Variants in ARSL observed in about 807,000 individuals in gnomAD.
ARSL encodes the protein arylsulfatase L.
In ARSL, 4 loss-of-function variants were observed where a neutral mutation model predicts 31.1. The observed-to-expected ratio is 0.13, with a 90% confidence interval of 0.06 to 0.29. The LOEUF is 0.29. ARSL is among the 10% of genes least tolerant of loss of function. The pLI is 1.00. For missense variants in ARSL, 312 were observed against 497.8 expected (o/e 0.63, Z 3.55); for synonymous variants, 198 against 209.9 (o/e 0.94, Z 0.49).
chrX:2,945,393 C>T (rs986125865), intron 7 of ARSL, among the ~76,000 whole-genome samples: 1 of 111,679 alleles, frequency 9.0e-6, no homozygotes, highest in African/African-American at 3.3e-5. Context: ...GAGCCACTAG[C>T]CACTCTACAG....
intron 2 of ARSL, chrX:2,959,690 A>G: frequency 8.7e-7 from 1 of 1,151,262 alleles, no homozygotes; most frequent in Non-Finnish European, 1.1e-6. Context: ...TCTATTAATC[A>G]CGGGTCTCAT....
chrX:2,937,842 T>A (rs2089224530), intron 9 of ARSL, among the ~76,000 whole-genome samples: 1 of 111,718 alleles, frequency 9.0e-6, no homozygotes, highest in Admixed American at 9.5e-5. Context: ...TCTGGAAAAC[T>A]TTGTAATTTT....
At chrX:2,946,318 CTTCCTTTTT>C (rs1244289037) in intron 6 of ARSL, among the ~76,000 whole-genome samples, 184 bp from the exon 7 acceptor site, 6 of 76,667 alleles carry the variant, frequency 7.8e-5, no homozygotes, top group Non-Finnish European at 1.6e-4. Context: ...ATTTAACAAT[CTTCCTTTTT>C]TTTTTTTTTT....
In ARSL at chrX:2,934,851, C is replaced by G; in HGVS notation, c.1751G>C (p.Arg584Thr). The G allele has an allele frequency of 1.7e-6, 2 of 1,201,232 alleles. No homozygotes were observed. Among genetic ancestry groups the G allele is most frequent in the Admixed American group, 2.2e-5 (1 of 45,337 alleles). The change falls in exon 11 of 11, where the codon AGG (arginine) becomes ACG (threonine). Residue 584 changes from arginine to threonine, a missense_variant. Arg to Thr is a moderately conservative substitution (Grantham distance 71). Coordinates refer to ENST00000381134, the MANE Select transcript of ARSL (RefSeq NM_000047.3). ...CGPFPLCWCL[R>T]EDDPQ ...AGACATTTATTGTGGGTCATCTTCCCTAAGGCACCAGCAGAGGGGGAACGG... is the reference window on the plus strand; with the variant it reads ...AGACATTTATTGTGGGTCATCTTCCGTAAGGCACCAGCAGAGGGGGAACGG...
chrX:2,960,741 G>A (rs2089616345), intron 1 of ARSL, among the ~76,000 whole-genome samples: 3 of 111,368 alleles, frequency 2.7e-5, no homozygotes, highest in African/African-American at 9.8e-5. Context: ...ATCACAAAGT[G>A]ATGAGAGAAT....
intron 9 of ARSL, among the ~76,000 whole-genome samples, chrX:2,937,459 G>T (rs1171943687): frequency 1.8e-5 from 2 of 109,883 alleles, no homozygotes; most frequent in Non-Finnish European, 3.8e-5. Context: ...TGTAACAAAA[G>T]CCCACTAAGA....
chrX:2,934,713 T>A lies in ARSL; in HGVS notation c.*119A>T, dbSNP rs1476539545. 1 of 620,330 alleles carries A rather than the reference T, an allele frequency of 1.6e-6. No individual in the cohort carries two copies. Among genetic ancestry groups the A allele is most frequent in the Non-Finnish European group, 2.5e-6 (1 of 398,548 alleles). 51.1% of individuals were successfully genotyped at this position (620,330 alleles called of 1,213,427 possible). A position where few individuals can be genotyped will look rare whatever the true frequency, so the allele number is the denominator to read the frequency against. The stretch of plus-strand genomic sequence containing the variant: ...CCCAGGTTGGTTTTGATCACGGGAG[T>A]GATCCTCCTGTGGTGGCCTCCTAAA... On this transcript the variant is annotated 3_prime_UTR_variant, in exon 11 of 11. Coordinates refer to ENST00000381134, the MANE Select transcript of ARSL (RefSeq NM_000047.3).
At chrX:2,941,230 A>C (rs1254450244) in intron 8 of ARSL, among the ~76,000 whole-genome samples, 5 of 99,942 alleles carry the variant, frequency 5.0e-5, no homozygotes, top group African/African-American at 1.8e-4. Flanking sequence ...GCAAATAAGA[A>C]CTTGGGTGTC....
chrX:2,934,977 T>A lies in ARSL; in HGVS notation c.1625A>T (p.Gln542Leu). The A allele has an allele frequency of 8.3e-7, 1 of 1,211,537 alleles. No homozygotes were observed. The highest frequency in any genetic ancestry group is 1.1e-6 in the Non-Finnish European group (1 of 895,447). ...CCGCTGGTGTTCCCACACCGCCTGC[T>A]GGACTCGTTCCATCACCTGATAGAA... ...PVFYQVMERVQQAVWEHQRTL... is the reference protein window; with the variant it reads ...PVFYQVMERVLQAVWEHQRTL... The change falls in exon 11 of 11, where the codon CAG (glutamine) becomes CTG (leucine). Residue 542 changes from glutamine to leucine, a missense_variant. By Grantham distance (113) the Gln-to-Leu change is moderately radical. Coordinates refer to ENST00000381134, the MANE Select transcript of ARSL (RefSeq NM_000047.3).
At chrX:2,961,128 G>A (rs1385453476) in intron 1 of ARSL, among the ~76,000 whole-genome samples, 2 of 111,261 alleles carry the variant, frequency 1.8e-5, no homozygotes, top group African/African-American at 6.5e-5. Flanking sequence ...CATTGCTAGG[G>A]GTAGGTGCTG....
Position 2,955,452 on chromosome X carries a change from C to T in ARSL, c.271G>A (p.Ala91Thr). Residue 91 changes from alanine (A) to threonine (T), a missense_variant, in exon 4 of 11, where the codon GCC becomes ACC. Transcript: ENST00000381134. ...SAASLCTPSR[A>T]AFLTGRYPVR... ...GGGTATCTGCCCGTGAGGAAGGCGG[C>T]TCTGCTTGGGGTGCACAAAGATGCG... 8.3e-7 allele frequency: 1 copy of T among 1,212,006 alleles called. No homozygotes were observed. Among genetic ancestry groups the T allele is most frequent in the Non-Finnish European group, 1.1e-6 (1 of 895,478 alleles).
chrX:2,963,302 C>A (rs1264475336), intron 1 of ARSL, among the ~76,000 whole-genome samples: 2 of 110,815 alleles, frequency 1.8e-5, no homozygotes, highest in Non-Finnish European at 3.8e-5. Context: ...GAGAGAAAAC[C>A]AAAATGAGCA....
Position 2,958,642 on chromosome X carries a change from G to T in ARSL, c.24-207C>A, listed in dbSNP as rs111787363. ...TTTATTTGGCCTTGAAGTTTTTTGG[G>T]TTTTTTTTGATGCTGTAAAGTCTGT... On this transcript the variant is annotated intron_variant, in intron 2 of 10. Transcript: ENST00000381134. Among the ~76,000 whole-genome samples the T allele has an allele frequency of 0.064, 7,136 of 111,010 alleles. 560 individuals are homozygous for T. Among genetic ancestry groups the T allele is most frequent in the African/African-American group, 0.22 (6,699 of 30,350 alleles).
At chrX:2,938,954 G>A (rs1414228613) in intron 8 of ARSL, among the ~76,000 whole-genome samples, 1 of 109,403 alleles carries the variant, frequency 9.1e-6, no homozygotes, top group East Asian at 2.9e-4. Context: ...GATGCCTGGA[G>A]CCCCCGGTAA....
intron 8 of ARSL, 133 bp from the exon 9 acceptor site, chrX:2,938,390 C>G: frequency 2.2e-6 from 2 of 913,466 alleles, no homozygotes; most frequent in Non-Finnish European, 3.1e-6. Flanking sequence ...TTCTCTCTCT[C>G]TCTCTCTCTG....
chrX:2,964,137 G>A (rs2089676392), intron 1 of ARSL, 87 bp downstream of exon 1: 6 of 749,333 alleles, frequency 8.0e-6, no homozygotes, highest in Non-Finnish European at 9.4e-6. Context: ...AGACAGAAAA[G>A]GGAACGGGGA....
upstream of ARSL, among the ~76,000 whole-genome samples, chrX:2,966,932 TATAC>T (rs1256768405): frequency 2.7e-5 from 3 of 110,929 alleles, no homozygotes; most frequent in Admixed American, 9.7e-5. Context: ...TGCATGTATA[TATAC>T]ATACATATAT....
chrX:2,960,586 G>T, intron 1 of ARSL, 166 bp from the exon 2 acceptor site: 1 of 478,152 alleles, frequency 2.1e-6, no homozygotes, highest in Non-Finnish European at 3.5e-6. Flanking sequence ...TGCTCTTCCC[G>T]AGTGAAAAGG....
upstream of ARSL, chrX:2,964,438 C>T (rs2089680558): frequency 2.7e-6 from 2 of 750,502 alleles, no homozygotes; most frequent in Non-Finnish European, 1.6e-6. Context: ...CTCAAAGCCA[C>T]GCCCACGTCT....
Sources: gnomAD v4.1 joint callset for allele counts (sites outside exome capture counted in the v4.1 genomes callset) on GRCh38, gnomAD v4.1.1 for gene constraint, MANE v1.5 for transcripts, NCBI Gene and HGNC (gene_info 2026-07-23, HGNC 2026-07-21) for gene names.